The following POM121C variants were observed in gnomAD, a reference collection of about 807,000 sequenced individuals.
The protein encoded by POM121C is POM121 transmembrane nucleoporin C, also known as nuclear envelope pore membrane protein POM 121C.
A neutral mutation model predicts 66.4 loss-of-function variants in POM121C; 20 were observed. The ratio of observed to expected loss-of-function variants is 0.30; its 90% confidence interval spans 0.21 to 0.44. The LOEUF (loss-of-function observed/expected upper bound fraction) is 0.44, where lower values mean the gene tolerates loss of function less well. Ranked by LOEUF, POM121C falls within the 20% of genes least tolerant of loss-of-function variation. The pLI, the probability that POM121C is intolerant of heterozygous loss-of-function variation, is 1.00. For synonymous variants in POM121C, 286 were observed against 528.0 expected, an observed-to-expected ratio of 0.54 and a Z score of 6.28; for missense variants, 580 against 1,225.7, an observed-to-expected ratio of 0.47 and a Z score of 7.87.
Position 75,422,093 on chromosome 7 carries a change from G to A in POM121C, c.2159C>T (p.Pro720Leu), listed in dbSNP as rs1203317883. 1.0e-5 allele frequency: 16 copies of A among 1,605,548 alleles called. No homozygotes were observed. The highest frequency in any genetic ancestry group is 4.4e-5 in the South Asian group (4 of 90,760). ...GCTGCCAAAGCTGGGGGTAAGGGCT[G>A]GCTTGGCGGCCCCCGGTGGCTGCCC... Reference protein sequence around the residue: ...AEGQPPGAAKPALTPSFGSSF... With the variant: ...AEGQPPGAAKLALTPSFGSSF... The change falls in exon 13 of 15, where the codon CCA (proline) becomes CTA (leucine). Residue 720 changes from proline to leucine, a missense_variant. Physicochemically the swap from Pro to Leu is moderately conservative, Grantham distance 98 (BLOSUM62 -3). Coordinates refer to ENST00000615331, the MANE Select transcript of POM121C (RefSeq NM_001099415.3).
At chr7:75,457,912 G>C (rs1791297596) in intron 3 of POM121C, among the ~76,000 whole-genome samples, 1 of 152,226 alleles carries the variant, frequency 6.6e-6, no homozygotes, top group African/African-American at 2.4e-5. Context: ...AGGAGTGAAA[G>C]TTTATTAAAA....
At position 75,441,507 on chromosome 7, in the gene POM121C, C is replaced by G; in HGVS notation, c.-11G>C. The G allele has an allele frequency of 6.2e-7, 1 of 1,613,858 alleles. No homozygotes were observed. Among genetic ancestry groups the G allele is most frequent in the South Asian group, 1.1e-5 (1 of 91,068 alleles). On this transcript the variant is annotated 5_prime_UTR_variant, in exon 4 of 15. Transcript: ENST00000615331. ...TGGGCTACACACCATCCTGGAGTTG[C>G]GAGGGGACAGCACAGCCTTCTTGTG... is the stretch of plus-strand genomic sequence containing the variant.
Position 75,475,804 on chromosome 7 carries a change from G to A in POM121C, c.-457-616C>T, listed in dbSNP as rs1317615311. ...CTGTTATTAGAGTAATGCAGACAAG[G>A]TGCAGAATGATTTAACAAAAGAGGA... On this transcript the variant is annotated intron_variant, in intron 1 of 14. Coordinates refer to ENST00000615331, the MANE Select transcript of POM121C (RefSeq NM_001099415.3). Among the ~76,000 whole-genome samples the A allele has an allele frequency of 2.0e-5, 3 of 152,138 alleles. No individual in the cohort carries two copies. The East Asian group carries it at 5.8e-4, about 29-fold the overall frequency.
At chr7:75,459,742 G>A (rs1438614970) in intron 3 of POM121C, among the ~76,000 whole-genome samples, 4 of 130,662 alleles carry the variant, frequency 3.1e-5, no homozygotes, top group South Asian at 2.6e-4. Context: ...ATATAATCTC[G>A]AGTTTAAAAA....
Position 75,485,881 on chromosome 7 carries a change from G to A in POM121C, c.-475C>T. ...AGACTTACCCTCCTGGGGCTCCGCA[G>A]CCTCTGCCCCACGGCTCCCGAGAGG... On this transcript the variant is annotated 5_prime_UTR_variant, in exon 1 of 15. Coordinates refer to ENST00000615331, the MANE Select transcript of POM121C (RefSeq NM_001099415.3). 2.0e-6 allele frequency: 1 copy of A among 506,574 alleles called. No individual in the cohort carries two copies. The highest frequency in any genetic ancestry group is 3.9e-6 in the Non-Finnish European group (1 of 255,884). The allele number at this position is 506,574 out of a possible 1,614,324, so 31.4% of individuals were successfully genotyped here. A position where few individuals can be genotyped will look rare whatever the true frequency, so the allele number is the denominator to read the frequency against.
intron 3 of POM121C, among the ~76,000 whole-genome samples, chr7:75,473,789 C>T (rs1323211251): frequency 5.3e-5 from 8 of 151,302 alleles, no homozygotes; most frequent in Admixed American, 1.3e-4. Context: ...CCCGTGTTCA[C>T]GCCATTCTCC....
At chr7:75,461,093 A>G (rs1554476941) in intron 3 of POM121C, among the ~76,000 whole-genome samples, 3 of 152,138 alleles carry the variant, frequency 2.0e-5, no homozygotes, top group Admixed American at 6.6e-5. Context: ...AAGTAACAAA[A>G]GGGGAGCTTC....
chr7:75,453,453 A>G (rs1381642610), intron 3 of POM121C, among the ~76,000 whole-genome samples: 3 of 151,442 alleles, frequency 2.0e-5, no homozygotes, highest in African/African-American at 7.3e-5. Context: ...ATAGTGGCGC[A>G]TGCCTGTAAT....
rs1789483607 is a variant in POM121C at position 75,416,853 on chromosome 7, A to C, written c.*1943T>G. The C allele has an allele frequency of 8.3e-6, 12 of 1,446,752 alleles. No homozygotes were observed. The Admixed American group carries it at 2.8e-4, about 34-fold the overall frequency. The allele number at this position is 1,446,752 out of a possible 1,614,324, so 89.6% of individuals were successfully genotyped here. On this transcript the variant is annotated 3_prime_UTR_variant, in exon 15 of 15. Coordinates refer to ENST00000615331, the MANE Select transcript of POM121C (RefSeq NM_001099415.3). ...AGAAAAATCTCACATTCATACTAAA[A>C]ATTCCAACTAGACTCAACAGGAATG...
intron 3 of POM121C, among the ~76,000 whole-genome samples, chr7:75,457,434 G>A (rs1436898586): frequency 2.2e-4 from 31 of 139,072 alleles, no homozygotes; most frequent in African/African-American, 2.4e-4. Flanking sequence ...AAATGACAGC[G>A]AAGAGGGCGG....
At chr7:75,482,614 C>T (rs587631336) in intron 1 of POM121C, among the ~76,000 whole-genome samples, 8 of 152,100 alleles carry the variant, frequency 5.3e-5, no homozygotes, top group African/African-American at 1.7e-4. Flanking sequence ...CGTGTGGGCC[C>T]GGGAGATTGA....
At chr7:75,482,593 G>A (rs1206285553) in intron 1 of POM121C, among the ~76,000 whole-genome samples, 2 of 152,154 alleles carry the variant, frequency 1.3e-5, no homozygotes, top group African/African-American at 4.8e-5. Flanking sequence ...GGGAGGCTGA[G>A]GCAAGAGGAT....
chr7:75,418,706 C>A lies in POM121C; in HGVS notation c.*90G>T. ...AGAGATCCGGGGTAGGTTTGCTTTACGCAGCTGGAAGGGTCCAAGGCTCTT... is the reference window on the plus strand; with the variant it reads ...AGAGATCCGGGGTAGGTTTGCTTTAAGCAGCTGGAAGGGTCCAAGGCTCTT... On this transcript the variant is annotated 3_prime_UTR_variant, in exon 15 of 15. Transcript: ENST00000615331. The A allele has an allele frequency of 7.0e-7, 1 of 1,429,318 alleles. No individual in the cohort carries two copies. The highest frequency in any genetic ancestry group is 9.2e-7 in the Non-Finnish European group (1 of 1,084,112). The allele number at this position is 1,429,318 out of a possible 1,614,324, so 88.5% of individuals were successfully genotyped here.
At chr7:75,431,907 C>T (rs1475938037) in intron 7 of POM121C, among the ~76,000 whole-genome samples, 7 of 151,874 alleles carry the variant, frequency 4.6e-5, no homozygotes, top group African/African-American at 1.7e-4. Context: ...AGTGCCAATA[C>T]GGTGCCACTG....
Position 75,441,532 on chromosome 7 carries a change from G to A in POM121C, c.-36C>T, listed in dbSNP as rs782052727. ...CGAGGGGACAGCACAGCCTTCTTGT[G>A]ATAACCATTCCAGCACACTGTGGGA... is the stretch of plus-strand genomic sequence containing the variant. On this transcript the variant is annotated 5_prime_UTR_variant, in exon 4 of 15. Transcript: ENST00000615331. The A allele has an allele frequency of 6.2e-7, 1 of 1,613,778 alleles. No individual in the cohort carries two copies. Among genetic ancestry groups the A allele is most frequent in the Admixed American group, 1.7e-5 (1 of 59,986 alleles).
chr7:75,473,495 G>A (rs1190455630), intron 3 of POM121C, among the ~76,000 whole-genome samples: 1 of 152,112 alleles, frequency 6.6e-6, no homozygotes, highest in Middle Eastern at 3.2e-3. Context: ...TGGGGAAAGA[G>A]GGGAAAGCTG....
At chr7:75,421,098 C>T (rs1281178018) in intron 13 of POM121C, 7 of 315,154 alleles carry the variant, frequency 2.2e-5, no homozygotes, top group African/African-American at 6.6e-5. Flanking sequence ...CTCAGCCTCC[C>T]GAGCAGCTGG....
At position 75,473,693 on chromosome 7, in the gene POM121C, T is replaced by G. The variant is rs587679206; in HGVS notation, c.-152+1011A>C. On this transcript the variant is annotated intron_variant, in intron 3 of 14. Coordinates refer to ENST00000615331, the MANE Select transcript of POM121C (RefSeq NM_001099415.3). ...TTTTTTGTTTGTTTGTTTGTTTGTT[T>G]TTTTGTTTTTTTTGAGACGGAGTCT... 1.4e-4 allele frequency among the ~76,000 whole-genome samples: 21 copies of G among 151,978 alleles called. No homozygotes were observed. In the East Asian group the frequency reaches 3.7e-3, roughly 27 times the overall value.
At chr7:75,427,463 C>CA (rs1382985375) in intron 7 of POM121C, among the ~76,000 whole-genome samples, 26 of 148,174 alleles carry the variant, frequency 1.8e-4, no homozygotes, top group African/African-American at 6.3e-4. Context: ...AAAACAAAAA[C>CA]AAAAAAAGCA....
Sources: allele counts gnomAD v4.1 joint callset (sites outside exome capture counted in the v4.1 genomes callset), GRCh38; gene constraint gnomAD v4.1.1; transcripts MANE v1.5; gene names NCBI Gene and HGNC (gene_info 2026-07-23, HGNC 2026-07-21).